Variants in CNTNAP2 observed in about 807,000 individuals in gnomAD.
CNTNAP2 encodes contactin associated protein 2.
In CNTNAP2, 98 loss-of-function variants were observed where a neutral mutation model predicts 155.2. The observed-to-expected ratio is 0.63, with a 90% CI of 0.54 to 0.75. CNTNAP2 has a LOEUF of 0.75. Among genes scored for constraint, CNTNAP2 ranks in the 30% least tolerant of loss-of-function variants. The pLI is 0.00. For synonymous variants in CNTNAP2, 651 were observed against 631.2 expected, an observed-to-expected ratio of 1.03 and a Z score of -0.47; for missense variants, 1,727 against 1,688.1, an observed-to-expected ratio of 1.02 and a Z score of -0.40.
At chr7:147,529,773 A>AT (rs752745792) in intron 11 of CNTNAP2, among the ~76,000 whole-genome samples, 7 of 152,226 alleles carry the variant, frequency 4.6e-5, no homozygotes, top group Non-Finnish European at 1.0e-4. Context: ...CAAAGGGGAT[A>AT]TGCATTTATC....
chr7:146,910,270 C>T (rs1342119573), intron 3 of CNTNAP2, among the ~76,000 whole-genome samples: 80 of 149,378 alleles, frequency 5.4e-4, no homozygotes, highest in Admixed American at 8.6e-4. Context: ...CATCAAGCTA[C>T]CAATGACTTT....
chr7:148,234,077 T>C lies in CNTNAP2; in HGVS notation c.3381+4298T>C, dbSNP rs554527178. Among the ~76,000 whole-genome samples the C allele has an allele frequency of 1.1e-4, 17 of 152,354 alleles. No individual in the cohort carries two copies. In the East Asian group the frequency reaches 1.5e-3, roughly 14 times the overall value. ...GAACTGTGAGTCAATTAAACCTCTT[T>C]TCTTTATAAATTACCCAGTCTCAGG... is the stretch of plus-strand genomic sequence containing the variant. On this transcript the variant is annotated intron_variant, in intron 20 of 23. Coordinates refer to ENST00000361727, the MANE Select transcript of CNTNAP2 (RefSeq NM_014141.6).
chr7:146,611,576 C>A (rs1010346019), intron 1 of CNTNAP2, among the ~76,000 whole-genome samples: 8 of 152,116 alleles, frequency 5.3e-5, no homozygotes, highest in Non-Finnish European at 8.8e-5. Context: ...GGCAAAGATT[C>A]ATGGTCATTG....
chr7:147,138,230 G>C (rs1405404502), intron 8 of CNTNAP2, among the ~76,000 whole-genome samples: 1 of 151,798 alleles, frequency 6.6e-6, no homozygotes, highest in Non-Finnish European at 1.5e-5. Context: ...CTGATTCATA[G>C]AGCACTGTAC....
rs550191756 is a variant in CNTNAP2, at chr7:147,134,961, A to C, written c.1348+2452A>C. ...TTGGTGTACACACACAAAGTAGTGC[A>C]CTGAGAAGGTAATATAGAGACTCTC... is the stretch of plus-strand genomic sequence containing the variant. On this transcript the variant is annotated intron_variant, in intron 8 of 23. Transcript: ENST00000361727. Among the ~76,000 whole-genome samples the C allele has an allele frequency of 5.3e-5, 8 of 152,030 alleles. No individual in the cohort carries two copies. In the East Asian group the frequency reaches 1.5e-3, roughly 29 times the overall value.
At chr7:147,702,678 A>G (rs1452778429) in intron 13 of CNTNAP2, among the ~76,000 whole-genome samples, 1 of 151,884 alleles carries the variant, frequency 6.6e-6, no homozygotes, top group Non-Finnish European at 1.5e-5. Flanking sequence ...TTAATTGGTG[A>G]TCTGAAAAAA....
chr7:146,717,522 TA>T (rs960219090), intron 1 of CNTNAP2, among the ~76,000 whole-genome samples: 41 of 151,918 alleles, frequency 2.7e-4, no homozygotes, highest in African/African-American at 9.4e-4. Context: ...ATAATGTTAT[TA>T]AACATGTAAA....
chr7:146,762,101 A>G (rs1802112246), intron 1 of CNTNAP2, among the ~76,000 whole-genome samples: 2 of 152,152 alleles, frequency 1.3e-5, no homozygotes, highest in South Asian at 4.1e-4. Flanking sequence ...TTCCTTGTTC[A>G]TTAGAGACAA....
rs537704825 is a variant in CNTNAP2, at chr7:146,970,631, A to T, written c.403-73276A>T. Among the ~76,000 whole-genome samples the T allele has an allele frequency of 1.4e-4, 22 of 152,114 alleles. 1 individual carries two copies. The South Asian group carries it at 3.5e-3, about 24-fold the overall frequency. On this transcript the variant is annotated intron_variant, in intron 3 of 23. Transcript: ENST00000361727. ...GTTGGTGGGACTGTAAACTAGTTCA[A>T]CCATTGTGGAAGTCAGTGTGGCGAT...
At chr7:147,995,382 C>T (rs28693625) in intron 15 of CNTNAP2, among the ~76,000 whole-genome samples, 10,142 of 152,164 alleles carry the variant, frequency 0.067, 754 homozygotes, top group African/African-American at 0.19. Flanking sequence ...AACCCTTCTC[C>T]ACACTCTTTT....
intron 1 of CNTNAP2, among the ~76,000 whole-genome samples, chr7:146,507,490 A>G (rs1797402101): frequency 6.6e-6 from 1 of 152,180 alleles, no homozygotes; most frequent in Non-Finnish European, 1.5e-5. Context: ...AACTGATACA[A>G]TGGTTTTGTT....
intron 15 of CNTNAP2, among the ~76,000 whole-genome samples, chr7:148,077,402 T>C (rs969235290): frequency 2.6e-5 from 4 of 152,212 alleles, no homozygotes; most frequent in African/African-American, 9.6e-5. Flanking sequence ...TATCTGTGGT[T>C]CTGAAAAGCA....
intron 16 of CNTNAP2, among the ~76,000 whole-genome samples, chr7:148,122,951 G>T (rs1027503276): frequency 5.3e-5 from 8 of 152,182 alleles, no homozygotes; most frequent in Admixed American, 2.6e-4. Context: ...GAAGATCCTA[G>T]AATGAAACCA....
At chr7:147,930,359 CACAT>C (rs1283388931) in intron 14 of CNTNAP2, among the ~76,000 whole-genome samples, 1 of 152,114 alleles carries the variant, frequency 6.6e-6, no homozygotes, top group African/African-American at 2.4e-5. Context: ...TTTAAAGACA[CACAT>C]AGGCTGAATG....
intron 9 of CNTNAP2, among the ~76,000 whole-genome samples, chr7:147,385,489 G>C (rs1474825820): frequency 6.6e-6 from 1 of 152,190 alleles, no homozygotes; most frequent in African/African-American, 2.4e-5. Context: ...TACTAGAGCT[G>C]TTCCAAATAA....
In CNTNAP2 at chr7:148,048,590, T is replaced by C. The variant is rs113476583; in HGVS notation, c.2384-69528T>C. Among the ~76,000 whole-genome samples, 1,217 of 152,198 alleles carry C rather than the reference T, an allele frequency of 8.0e-3. 15 individuals carry two copies. Among genetic ancestry groups the C allele is most frequent in the African/African-American group, 0.026 (1,063 of 41,524 alleles). ...GGGGAGTGTCTCTTACTGAGAACTCTGGGTCCTCTTGGATCAAAGAATGTG... is the reference window on the plus strand; with the variant it reads ...GGGGAGTGTCTCTTACTGAGAACTCCGGGTCCTCTTGGATCAAAGAATGTG... On this transcript the variant is annotated intron_variant, in intron 15 of 23. Transcript: ENST00000361727.
intron 3 of CNTNAP2, among the ~76,000 whole-genome samples, chr7:146,976,581 T>C (rs1038959404): frequency 9.2e-5 from 14 of 152,178 alleles, no homozygotes; most frequent in African/African-American, 3.4e-4. Context: ...AAGAGATGTC[T>C]AGGGTGAGGT....
chr7:146,813,734 T>A (rs1803112251), intron 2 of CNTNAP2, among the ~76,000 whole-genome samples: 1 of 151,934 alleles, frequency 6.6e-6, no homozygotes, highest in Non-Finnish European at 1.5e-5. Flanking sequence ...GTAAGGAGAG[T>A]GGAATGATAT....
At chr7:146,921,372 A>C (rs553079519) in intron 3 of CNTNAP2, among the ~76,000 whole-genome samples, 36 of 152,342 alleles carry the variant, frequency 2.4e-4, no homozygotes, top group Admixed American at 2.0e-3. Flanking sequence ...AGGCAGATGG[A>C]TCTGCAAGTG....
Sources: allele counts gnomAD v4.1 joint callset (sites outside exome capture counted in the v4.1 genomes callset), GRCh38; gene constraint gnomAD v4.1.1; transcripts MANE v1.5; gene names NCBI Gene and HGNC (gene_info 2026-07-23, HGNC 2026-07-21).